CDKL1: variants seen among roughly 807,000 people sequenced by gnomAD.
CDKL1 encodes the protein cyclin-dependent kinase-like 1.
CDKL1 carries 41 observed loss-of-function variants against 42.0 expected under a neutral mutation model. The ratio of observed to expected loss-of-function variants is 0.98; its 90% CI spans 0.76 to 1.27. CDKL1 has a LOEUF of 1.27. Among genes scored for constraint, CDKL1 ranks in the 50% most tolerant of loss-of-function variants. The pLI, the probability that CDKL1 is intolerant of heterozygous loss-of-function variation, is 0.00. For missense variants in CDKL1, 394 were observed against 428.4 expected (o/e 0.92, Z 0.71); for synonymous variants, 153 against 158.6 (o/e 0.96, Z 0.26).
At chr14:50,360,871 G>A (rs1349412304) in intron 2 of CDKL1, among the ~76,000 whole-genome samples, 1 of 151,838 alleles carries the variant, frequency 6.6e-6, no homozygotes, top group Non-Finnish European at 1.5e-5. Context: ...GCTCACCCAA[G>A]TGGTAGCAAG....
At chr14:50,344,558 C>G (rs1465162) in intron 4 of CDKL1, among the ~76,000 whole-genome samples, 105,105 of 149,860 alleles carry the variant, frequency 0.7, 37,007 homozygotes, top group East Asian at 0.81. Flanking sequence ...CAGCCTCGAC[C>G]TCCCCAGCTC....
chr14:50,386,456 G>C (rs1173987385), intron 2 of CDKL1, among the ~76,000 whole-genome samples: 1 of 152,134 alleles, frequency 6.6e-6, no homozygotes, highest in East Asian at 1.9e-4. Flanking sequence ...AAAAAAGACA[G>C]AAAGGAAATG....
chr14:50,387,770 T>C (rs1379376530), intron 2 of CDKL1, among the ~76,000 whole-genome samples: 3 of 152,188 alleles, frequency 2.0e-5, no homozygotes, highest in Non-Finnish European at 2.9e-5. Flanking sequence ...AATAGACATA[T>C]GTTATTAATT....
chr14:50,350,236 G>C (rs2033861309), intron 3 of CDKL1, among the ~76,000 whole-genome samples: 1 of 152,166 alleles, frequency 6.6e-6, no homozygotes, highest in South Asian at 2.1e-4. Flanking sequence ...TAAAATTGTA[G>C]CCCGTGCTAG....
chr14:50,393,842 A>G (rs1281219176), intron 2 of CDKL1, among the ~76,000 whole-genome samples: 1 of 152,198 alleles, frequency 6.6e-6, no homozygotes, highest in African/African-American at 2.4e-5. Context: ...CCTTTGGAGG[A>G]TATCAATATT....
At chr14:50,345,840 T>A (rs2033707618) in intron 3 of CDKL1, among the ~76,000 whole-genome samples, 1 of 152,194 alleles carries the variant, frequency 6.6e-6, no homozygotes, top group Non-Finnish European at 1.5e-5. Context: ...CAGTACTTCT[T>A]CCCTGACTCA....
At chr14:50,394,524 T>C (rs953297444) in intron 2 of CDKL1, among the ~76,000 whole-genome samples, 2 of 152,238 alleles carry the variant, frequency 1.3e-5, no homozygotes, top group East Asian at 3.8e-4. Flanking sequence ...ACAAGATTTG[T>C]AGAGTGATCT....
At chr14:50,392,512 G>C (rs940538031) in intron 2 of CDKL1, among the ~76,000 whole-genome samples, 2 of 150,782 alleles carry the variant, frequency 1.3e-5, no homozygotes, top group Middle Eastern at 3.2e-3. Flanking sequence ...TGTTCTATGG[G>C]GTTTCCTACC....
chr14:50,352,596 T>G (rs762150527), intron 3 of CDKL1, among the ~76,000 whole-genome samples: 3 of 152,144 alleles, frequency 2.0e-5, no homozygotes, highest in Non-Finnish European at 2.9e-5. Flanking sequence ...ATCTAAAAAT[T>G]ATAATGCAAC....
intron 6 of CDKL1, among the ~76,000 whole-genome samples, chr14:50,340,698 A>G (rs983225000): frequency 6.6e-6 from 1 of 152,202 alleles, no homozygotes; most frequent in African/African-American, 2.4e-5. Flanking sequence ...AAACAAGGTA[A>G]ACCATGAAAG....
chr14:50,385,745 A>G (rs2139531192), intron 2 of CDKL1, among the ~76,000 whole-genome samples: 1 of 144,676 alleles, frequency 6.9e-6, no homozygotes, highest in South Asian at 2.2e-4. Flanking sequence ...TGGAGGTTGC[A>G]GTGAGTTGAG....
In CDKL1 at chr14:50,332,296, C is replaced by T. The variant is rs1275116327; in HGVS notation, c.932G>A (p.Ser311Asn). ...TTCTGTAAAGCAGTGGTGCTTTCGGCTCTTTCTTAGGGTCTTCCTTGTTGG... is the reference window on the plus strand; with the variant it reads ...TTCTGTAAAGCAGTGGTGCTTTCGGTTCTTTCTTAGGGTCTTCCTTGTTGG... ...NKPTRKTLRKSRKHHCFTETS... is the reference protein window; with the variant it reads ...NKPTRKTLRKNRKHHCFTETS... Residue 311 changes from serine (S) to asparagine (N), a missense_variant, in exon 9 of 10, where the codon AGC becomes AAC. Transcript: ENST00000395834. 14 of 1,614,018 alleles carry T rather than the reference C, an allele frequency of 8.7e-6. No individual in the cohort carries two copies. The Admixed American group carries it at 2.0e-4, about 23-fold the overall frequency.
At chr14:50,357,749 C>A (rs2139445224) in intron 3 of CDKL1, among the ~76,000 whole-genome samples, 1 of 152,328 alleles carries the variant, frequency 6.6e-6, no homozygotes, top group Non-Finnish European at 1.5e-5. Flanking sequence ...GCAGATGCTA[C>A]CTTCTTCTAG....
chr14:50,377,739 C>A (rs2034776264), intron 2 of CDKL1: 10 of 1,255,106 alleles, frequency 8.0e-6, no homozygotes, highest in Non-Finnish European at 1.0e-5. Context: ...ACTGCAGTGG[C>A]ACATGAGTGG....
rs2035391314 is a variant in CDKL1, at chr14:50,396,024, A to C, written c.-156T>G. The C allele has an allele frequency of 2.0e-6, 2 of 988,124 alleles. No homozygotes were observed. Among genetic ancestry groups the C allele is most frequent in the East Asian group, 5.8e-5 (2 of 34,538 alleles). The allele number at this position is 988,124 out of a possible 1,614,324, so 61.2% of individuals were successfully genotyped here. Reference sequence around the variant, plus strand: ...ACATACTGAAACTCCGTCTCTACTAAAGATACAAAAAATTAGCCGGGTGTG... The same window carrying C: ...ACATACTGAAACTCCGTCTCTACTACAGATACAAAAAATTAGCCGGGTGTG... On this transcript the variant is annotated 5_prime_UTR_variant, in exon 2 of 10. Transcript: ENST00000395834.
intron 3 of CDKL1, among the ~76,000 whole-genome samples, chr14:50,347,837 C>T (rs2033778868): frequency 6.6e-6 from 1 of 152,086 alleles, no homozygotes; most frequent in Non-Finnish European, 1.5e-5. Context: ...AGACCCTTCC[C>T]CACAGAGGAG....
At chr14:50,381,929 T>G (rs1378163796) in intron 2 of CDKL1, among the ~76,000 whole-genome samples, 1 of 152,194 alleles carries the variant, frequency 6.6e-6, no homozygotes, top group African/African-American at 2.4e-5. Flanking sequence ...TGAGCCACTG[T>G]GCCTGGCCAG....
rs55765101 is a variant in CDKL1 at position 50,396,185 on chromosome 14, C to CAAAAAAAAAAAAAAAAAAA, written c.-336_-318dup. 4.3e-6 allele frequency: 3 copies of CAAAAAAAAAAAAAAAAAAA among 694,510 alleles called. No individual in the cohort carries two copies. Among genetic ancestry groups the CAAAAAAAAAAAAAAAAAAA allele is most frequent in the African/African-American group, 5.9e-5 (2 of 33,946 alleles). The allele number at this position is 694,510 out of a possible 1,614,324, so 43.0% of individuals were successfully genotyped here. On this transcript the variant is annotated 5_prime_UTR_variant, in exon 2 of 10. Transcript: ENST00000395834. The stretch of plus-strand genomic sequence containing the variant: ...CGGGCGACAGAGCGAGATTCCGTCT[C>CAAAAAAAAAAAAAAAAAAA]AAAAAAAAAAAAAAAAAAAAAAAAA...
rs1343164496 is a variant in CDKL1, at chr14:50,332,301, T to C, written c.927A>G (p.Arg309=). The change falls in exon 9 of 10, where the codon AGA becomes AGG. Residue 309 remains arginine, a synonymous_variant. Coordinates refer to ENST00000395834, the MANE Select transcript of CDKL1 (RefSeq NM_004196.7). ...EHNKPTRKTL[R]KSRKHHCFTE... ...TAAAGCAGTGGTGCTTTCGGCTCTT[T>C]CTTAGGGTCTTCCTTGTTGGTTTGT... The C allele has an allele frequency of 2.5e-6, 4 of 1,614,076 alleles. No individual in the cohort carries two copies. The highest frequency in any genetic ancestry group is 3.4e-6 in the Non-Finnish European group (4 of 1,180,028).
Sources: gnomAD v4.1 joint callset for allele counts (sites outside exome capture counted in the v4.1 genomes callset) on GRCh38, gnomAD v4.1.1 for gene constraint, MANE v1.5 for transcripts, NCBI Gene and HGNC (gene_info 2026-07-23, HGNC 2026-07-21) for gene names.